The following MTSS2 variants were observed in gnomAD, a reference collection of about 807,000 sequenced individuals.
MTSS2 encodes MTSS I-BAR domain containing 2.
In MTSS2, 27 loss-of-function variants were observed where a neutral mutation model predicts 67.1. That is an observed-to-expected ratio of 0.40 (90% confidence interval 0.30 to 0.55). The LOEUF is 0.55. Ranked by LOEUF, MTSS2 falls within the 20% of genes least tolerant of loss-of-function variation. The pLI is 0.43. For missense variants in MTSS2, 1,171 were observed against 1,067.8 expected (o/e 1.10, Z -1.35); for synonymous variants, 624 against 468.6 (o/e 1.33, Z -4.28).
chr16:70,670,124 A>AGCCAGGTGT (rs988399770), intron 11 of MTSS2, among the ~76,000 whole-genome samples: 4 of 150,996 alleles, frequency 2.6e-5, no homozygotes, highest in African/African-American at 9.8e-5. Context: ...TACAAAAATT[A>AGCCAGGTGT]GCCAGGTGTG....
In MTSS2 at chr16:70,665,448, C is replaced by T. The variant is rs988654405; in HGVS notation, c.1128+18G>A. 1.3e-5 allele frequency: 20 copies of T among 1,548,326 alleles called. No individual in the cohort carries two copies. Among genetic ancestry groups the T allele is most frequent in the South Asian group, 6.0e-5 (5 of 83,938 alleles). On this transcript the variant is annotated intron_variant, in intron 12 of 14. Coordinates refer to ENST00000338779, the MANE Select transcript of MTSS2 (RefSeq NM_138383.3). ...GGGCAGCTGGTGACTGTCCTGGGGCCGGGCTGGGAGCACTGACCGAGGTGG... is the reference window on the plus strand; with the variant it reads ...GGGCAGCTGGTGACTGTCCTGGGGCTGGGCTGGGAGCACTGACCGAGGTGG...
rs2052621670 is a variant in MTSS2 at position 70,664,466 on chromosome 16, C to T, written c.1472-17G>A. ...AGTCGGAGCCTGGGGGCACGGGACA[C>T]AGTGAGGCCCAGGGCCCAGGTGGCC... is the stretch of plus-strand genomic sequence containing the variant. On this transcript the variant is annotated splice_polypyrimidine_tract_variant and intron_variant, in intron 14 of 14. Coordinates refer to ENST00000338779, the MANE Select transcript of MTSS2 (RefSeq NM_138383.3). 6 of 1,538,908 alleles carry T rather than the reference C, an allele frequency of 3.9e-6. No homozygotes were observed. Among genetic ancestry groups the T allele is most frequent in the African/African-American group, 1.4e-5 (1 of 73,178 alleles).
At chr16:70,679,930 C>T (rs1357886210) in intron 4 of MTSS2, 41 bp downstream of exon 4, 2 of 1,506,532 alleles carry the variant, frequency 1.3e-6, no homozygotes, top group Non-Finnish European at 1.8e-6. Context: ...CCGCGACGCC[C>T]CGTCCCCCCG....
Position 70,664,177 on chromosome 16 carries a change from C to T in MTSS2, c.1744G>A (p.Gly582Ser). ...ATGGGCGGCCGGATGGGGATGGGGC[C>T]AGCGCTGGACAGGGCGCGGCGCACG... ...PTVRRALSSAGPIPIRPPIVP... is the reference protein window; with the variant it reads ...PTVRRALSSASPIPIRPPIVP... The change falls in exon 15 of 15, where the codon GGC becomes AGC. Residue 582 changes from glycine to serine, a missense_variant. Transcript: ENST00000338779. The T allele has an allele frequency of 6.2e-7, 1 of 1,603,624 alleles. No homozygotes were observed. Among genetic ancestry groups the T allele is most frequent in the Non-Finnish European group, 8.5e-7 (1 of 1,178,638 alleles).
At chr16:70,666,547 G>C (rs1007073613) in intron 11 of MTSS2, among the ~76,000 whole-genome samples, 58 of 152,232 alleles carry the variant, frequency 3.8e-4, no homozygotes, top group African/African-American at 8.9e-4. Context: ...AATGAGCCAA[G>C]TTAAGCCAGG....
chr16:70,679,411 G>A, intron 6 of MTSS2, 88 bp from the exon 7 acceptor site: 9 of 1,547,102 alleles, frequency 5.8e-6, no homozygotes, highest in Non-Finnish European at 8.0e-6. Context: ...CACTCCTGGG[G>A]CGGGGGTGCC....
rs757414387 is a variant in MTSS2 at position 70,664,133 on chromosome 16, G to C, written c.1788C>G (p.Pro596=). Reference sequence around the variant, plus strand: ...TGTAGCCGGGGGAGTCAGGCACCGTGGGCGTCTTCACAGGGACGATGGGCG... The same window carrying C: ...TGTAGCCGGGGGAGTCAGGCACCGTCGGCGTCTTCACAGGGACGATGGGCG... The part of the protein sequence containing the change: ...IRPPIVPVKT[P]TVPDSPGYMG... Residue 596 remains proline, a synonymous_variant, in exon 15 of 15, where the codon CCC becomes CCG. Transcript: ENST00000338779. The C allele has an allele frequency of 1.2e-6, 2 of 1,610,352 alleles. No individual in the cohort carries two copies. The highest frequency in any genetic ancestry group is 1.1e-5 in the South Asian group (1 of 91,046).
chr16:70,665,399 A>G (rs953242504), intron 12 of MTSS2, 67 bp downstream of exon 12: 1 of 1,460,022 alleles, frequency 6.8e-7, no homozygotes. Context: ...TAATGGCACC[A>G]GGTGGGGAGG....
chr16:70,664,048 G>A lies in MTSS2; in HGVS notation c.1873C>T (p.Pro625Ser), dbSNP rs756094678. Reference protein sequence around the residue: ...CVFYTDETASPLAPDLAKASP... With the variant: ...CVFYTDETASSLAPDLAKASP... ...GCCTTGGCGAGGTCCGGTGCCAGGG[G>A]TGAGGCGGTCTCGTCGGTATAGAAG... Residue 625 changes from proline to serine, a missense_variant, in exon 15 of 15, where the codon CCC becomes TCC. Physicochemically the swap from Pro to Ser is moderately conservative, Grantham distance 74 (BLOSUM62 -1). Coordinates refer to ENST00000338779, the MANE Select transcript of MTSS2 (RefSeq NM_138383.3). The A allele has an allele frequency of 5.0e-6, 8 of 1,610,312 alleles. No homozygotes were observed. The highest frequency in any genetic ancestry group is 4.4e-5 in the South Asian group (4 of 90,368).
chr16:70,684,442 C>T (rs2053394224), intron 1 of MTSS2, among the ~76,000 whole-genome samples: 1 of 152,162 alleles, frequency 6.6e-6, no homozygotes. Flanking sequence ...AGGCCTCTTC[C>T]GGGGGCAGAG....
rs1464153464 is a variant in MTSS2 at position 70,661,359 on chromosome 16, G to A, written c.*2318C>T. ...TCTGACGGAAAGAAAAGAAACAAATGGTTCAGATGGGACGGAGGGTGGGGG... is the reference window on the plus strand; with the variant it reads ...TCTGACGGAAAGAAAAGAAACAAATAGTTCAGATGGGACGGAGGGTGGGGG... On this transcript the variant is annotated 3_prime_UTR_variant, in exon 15 of 15. Transcript: ENST00000338779. 1 of 436,234 alleles carries A rather than the reference G, an allele frequency of 2.3e-6. No homozygotes were observed. Among genetic ancestry groups the A allele is most frequent in the African/African-American group, 2.2e-5 (1 of 45,738 alleles). 27.0% of individuals were successfully genotyped at this position (436,234 alleles called of 1,614,324 possible). A position where few individuals can be genotyped will look rare whatever the true frequency, so the allele number is the denominator to read the frequency against.
intron 11 of MTSS2, among the ~76,000 whole-genome samples, chr16:70,673,247 G>A (rs2053001637): frequency 6.6e-6 from 1 of 152,060 alleles, no homozygotes; most frequent in South Asian, 2.1e-4. Flanking sequence ...ACAAGGAGAG[G>A]TTAAATAAAA....
chr16:70,677,681 T>G, intron 9 of MTSS2, 111 bp downstream of exon 9: 1 of 816,916 alleles, frequency 1.2e-6, no homozygotes, highest in Non-Finnish European at 2.0e-6. Context: ...CTTATGCCCC[T>G]AGCTGCCTCC....
chr16:70,684,249 A>G (rs2053387822), intron 1 of MTSS2, among the ~76,000 whole-genome samples: 1 of 151,982 alleles, frequency 6.6e-6, no homozygotes, highest in African/African-American at 2.4e-5. Flanking sequence ...CAGTCCCTTA[A>G]CAGGATCCTG....
At chr16:70,666,738 G>C (rs1017570490) in intron 11 of MTSS2, among the ~76,000 whole-genome samples, 1 of 152,150 alleles carries the variant, frequency 6.6e-6, no homozygotes, top group Non-Finnish European at 1.5e-5. Context: ...AAACTCAATG[G>C]AAAAAGTATT....
At chr16:70,679,273 A>C (rs1567503885) in intron 7 of MTSS2, 42 bp downstream of exon 7, 1 of 1,612,100 alleles carries the variant, frequency 6.2e-7, no homozygotes, top group Non-Finnish European at 8.5e-7. Context: ...CAAATGCGAC[A>C]AGGACGGGAG....
Position 70,663,480 on chromosome 16 carries a change from TC to T in MTSS2, c.*196del. The stretch of plus-strand genomic sequence containing the variant: ...ACCAGGCCCAGGCCTGCAGGCTCCG[TC>T]CTGGCCAGGCTTGCTAAGAAGTCAC... On this transcript the variant is annotated 3_prime_UTR_variant, in exon 15 of 15. Coordinates refer to ENST00000338779, the MANE Select transcript of MTSS2 (RefSeq NM_138383.3). The T allele has an allele frequency of 2.8e-6, 3 of 1,070,962 alleles. No homozygotes were observed. The highest frequency in any genetic ancestry group is 2.6e-6 in the Non-Finnish European group (2 of 777,862). 66.3% of individuals were successfully genotyped at this position (1,070,962 alleles called of 1,614,324 possible).
rs770284974 is a variant in MTSS2, at chr16:70,665,115, A to G, written c.1129-19T>C. ...ACCAGTCCTGCAGGGAGGGTGTGGC[A>G]GGTCAGGGGGACCACTGGCCCTACC... On this transcript the variant is annotated intron_variant, in intron 12 of 14. Transcript: ENST00000338779. 3.2e-6 allele frequency: 5 copies of G among 1,581,480 alleles called. No homozygotes were observed. In the East Asian group the frequency reaches 1.1e-4, roughly 35 times the overall value.
intron 11 of MTSS2, among the ~76,000 whole-genome samples, chr16:70,668,523 C>T (rs1177195425): frequency 6.6e-6 from 1 of 152,094 alleles, no homozygotes; most frequent in Non-Finnish European, 1.5e-5. Context: ...CCAGAAATAG[C>T]CACACACCTA....
Sources: gnomAD v4.1 joint callset for allele counts (sites outside exome capture counted in the v4.1 genomes callset) on GRCh38, gnomAD v4.1.1 for gene constraint, MANE v1.5 for transcripts, NCBI Gene and HGNC (gene_info 2026-07-23, HGNC 2026-07-21) for gene names.